ADAMTS2: variants seen among roughly 807,000 people sequenced by gnomAD.
ADAMTS2 encodes the protein A disintegrin and metalloproteinase with thrombospondin motifs 2.
In ADAMTS2, 50 loss-of-function variants were observed where a neutral mutation model predicts 123.0. The ratio of observed to expected loss-of-function variants is 0.41; its 90% CI spans 0.32 to 0.51. The LOEUF is 0.51. ADAMTS2 is among the 20% of genes least tolerant of loss of function. The pLI is 0.35. For synonymous variants in ADAMTS2, 678 were observed against 695.4 expected, an observed-to-expected ratio of 0.98 and a Z score of 0.39; for missense variants, 1,494 against 1,705.2, an observed-to-expected ratio of 0.88 and a Z score of 2.18.
chr5:179,256,788 G>C lies in ADAMTS2; in HGVS notation c.688+16123C>G, dbSNP rs1414221837. On this transcript the variant is annotated intron_variant, in intron 3 of 21. Transcript: ENST00000251582. This position sits in a 1 kb window ranked among gnomAD's most constrained non-coding sequence, Gnocchi z 4.1. ...AGGAACTGAAAATTGAGATTTTCAT[G>C]TGAAACCTCCTGATTTTTAAGTGTA... is the stretch of plus-strand genomic sequence containing the variant. Among the ~76,000 whole-genome samples the C allele has an allele frequency of 6.6e-6, 1 of 152,266 alleles. No individual in the cohort carries two copies. Among genetic ancestry groups the C allele is most frequent in the African/African-American group, 2.4e-5 (1 of 41,480 alleles).
intron 2 of ADAMTS2, among the ~76,000 whole-genome samples, chr5:179,283,329 T>A: frequency 6.7e-6 from 1 of 149,332 alleles, no homozygotes; most frequent in African/African-American, 2.5e-5. Flanking sequence ...AGACAAAGAG[T>A]AGAGGAAGAA....
Position 179,259,622 on chromosome 5 carries a change from C to T in ADAMTS2, c.688+13289G>A, listed in dbSNP as rs149165051. 5.1e-3 allele frequency among the ~76,000 whole-genome samples: 770 copies of T among 152,376 alleles called. 7 individuals carry two copies. The highest frequency in any genetic ancestry group is 0.018 in the African/African-American group (740 of 41,594). On this transcript the variant is annotated intron_variant, in intron 3 of 21. Coordinates refer to ENST00000251582, the MANE Select transcript of ADAMTS2 (RefSeq NM_014244.5). Reference sequence around the variant, plus strand: ...CGCATTGCTGCCCTCAGGCACCAAACAGGCCTGTGGCAGTCACAGGGGCAC... The same window carrying T: ...CGCATTGCTGCCCTCAGGCACCAAATAGGCCTGTGGCAGTCACAGGGGCAC...
chr5:179,196,231 CAT>C (rs1764429120), intron 4 of ADAMTS2, among the ~76,000 whole-genome samples: 1 of 152,018 alleles, frequency 6.6e-6, no homozygotes, highest in African/African-American at 2.4e-5. Context: ...TGAATCCTGG[CAT>C]AGAGAGAAAT....
At position 179,132,823 on chromosome 5, in the gene ADAMTS2, G is replaced by A. The variant is rs774087568; in HGVS notation, c.2163C>T (p.His721=). ...TGAACGTGCCCTTGACCACTTTGCA[G>A]TGGCTGTTGTCCCCTCCGCACACGC... ...KCGVCGGDNS[H]CKVVKGTFTR... The change falls in exon 14 of 22, where the codon CAC becomes CAT. Residue 721 remains histidine, a synonymous_variant. Coordinates refer to ENST00000251582, the MANE Select transcript of ADAMTS2 (RefSeq NM_014244.5). This position sits in a 1 kb window ranked among gnomAD's most constrained non-coding sequence, Gnocchi z 6.1. 3.1e-6 allele frequency: 5 copies of A among 1,614,148 alleles called. No individual in the cohort carries two copies. Among genetic ancestry groups the A allele is most frequent in the Non-Finnish European group, 4.2e-6 (5 of 1,180,026 alleles).
At chr5:179,224,288 G>C (rs1441255932) in intron 3 of ADAMTS2, among the ~76,000 whole-genome samples, 1 of 152,160 alleles carries the variant, frequency 6.6e-6, no homozygotes, top group Non-Finnish European at 1.5e-5. Context: ...GGCACACCCT[G>C]ACATCCGTAG....
rs995864130 is a variant in ADAMTS2 at position 179,256,060 on chromosome 5, G to A, written c.688+16851C>T. Among the ~76,000 whole-genome samples the A allele has an allele frequency of 3.3e-4, 50 of 152,290 alleles. No homozygotes were observed. Among genetic ancestry groups the A allele is most frequent in the African/African-American group, 1.1e-3 (46 of 41,552 alleles). Reference sequence around the variant, plus strand: ...TGTCCCCAGCCTCTCCCGCAGCTTGGCCTTGGTCCACCGTGGACAGCGTCT... The same window carrying A: ...TGTCCCCAGCCTCTCCCGCAGCTTGACCTTGGTCCACCGTGGACAGCGTCT... On this transcript the variant is annotated intron_variant, in intron 3 of 21. Coordinates refer to ENST00000251582, the MANE Select transcript of ADAMTS2 (RefSeq NM_014244.5). This position sits in a 1 kb window ranked among gnomAD's most constrained non-coding sequence, Gnocchi z 4.1.
rs1488486256 is a variant in ADAMTS2, at chr5:179,332,420, CTT to C, written c.534+11345_534+11346del. On this transcript the variant is annotated intron_variant, in intron 2 of 21. Coordinates refer to ENST00000251582, the MANE Select transcript of ADAMTS2 (RefSeq NM_014244.5). The surrounding 1 kb of genome is among the most constrained non-coding windows in gnomAD (Gnocchi z 4.2). The stretch of plus-strand genomic sequence containing the variant: ...TTCTCAACCCAACAATCCAGAAACT[CTT>C]ATATCAGGAACAAGGGGACTCAGAC... Among the ~76,000 whole-genome samples the C allele has an allele frequency of 1.3e-5, 2 of 152,310 alleles. No individual in the cohort carries two copies. The highest frequency in any genetic ancestry group is 4.8e-5 in the African/African-American group (2 of 41,558).
chr5:179,338,265 C>T (rs1321947462), intron 2 of ADAMTS2, among the ~76,000 whole-genome samples: 1 of 152,174 alleles, frequency 6.6e-6, no homozygotes, highest in Non-Finnish European at 1.5e-5. Context: ...CCAGCCCACA[C>T]AGAGAACCTG....
In ADAMTS2 at chr5:179,189,514, T is replaced by A. The variant is rs1270183493; in HGVS notation, c.892-8359A>T. On this transcript the variant is annotated intron_variant, in intron 4 of 21. Coordinates refer to ENST00000251582, the MANE Select transcript of ADAMTS2 (RefSeq NM_014244.5). This position sits in a 1 kb window ranked among gnomAD's most constrained non-coding sequence, Gnocchi z 4.2. ...AGGCGCCCGCCAGTGCGCCTGGTTT[T>A]TTTTTTTTTTTTTTTTTTTTTTTTA... Among the ~76,000 whole-genome samples, 2 of 134,930 alleles carry A rather than the reference T, an allele frequency of 1.5e-5. No homozygotes were observed. The highest frequency in any genetic ancestry group is 5.6e-5 in the African/African-American group (2 of 35,752). 88.5% of individuals were successfully genotyped at this position (134,930 alleles called of 152,430 possible). A position where few individuals can be genotyped will look rare whatever the true frequency, so the allele number is the denominator to read the frequency against.
At chr5:179,116,766 C>T (rs1762665710) in intron 21 of ADAMTS2, among the ~76,000 whole-genome samples, 1 of 152,190 alleles carries the variant, frequency 6.6e-6, no homozygotes, top group Non-Finnish European at 1.5e-5. Flanking sequence ...GCCCATGCAT[C>T]AGAGGGTGCC....
intron 5 of ADAMTS2, among the ~76,000 whole-genome samples, chr5:179,178,919 T>C (rs1763988298): frequency 6.6e-6 from 1 of 152,252 alleles, no homozygotes; most frequent in Non-Finnish European, 1.5e-5. Context: ...AGTAGTGCTC[T>C]TGTTTTTATT....
At position 179,307,635 on chromosome 5, in the gene ADAMTS2, C is replaced by T. The variant is rs2113569919; in HGVS notation, c.535-34571G>A. Among the ~76,000 whole-genome samples the T allele has an allele frequency of 6.6e-6, 1 of 152,328 alleles. No homozygotes were observed. Among genetic ancestry groups the T allele is most frequent in the African/African-American group, 2.4e-5 (1 of 41,572 alleles). ...CCTCCAGCGGCTTCCCACCACATGA[C>T]TGCCCCGGTCCCCGCTGATTTCTCC... is the stretch of plus-strand genomic sequence containing the variant. On this transcript the variant is annotated intron_variant, in intron 2 of 21. Transcript: ENST00000251582. The surrounding 1 kb of genome is among the most constrained non-coding windows in gnomAD (Gnocchi z 5.6).
At chr5:179,294,156 T>C (rs1756267928) in intron 2 of ADAMTS2, among the ~76,000 whole-genome samples, 1 of 152,042 alleles carries the variant, frequency 6.6e-6, no homozygotes, top group South Asian at 2.1e-4. Flanking sequence ...CTTGGGAGGC[T>C]GAGGTGGGAG....
chr5:179,190,252 C>T (rs1764275523), intron 4 of ADAMTS2, among the ~76,000 whole-genome samples: 1 of 152,216 alleles, frequency 6.6e-6, no homozygotes, highest in South Asian at 2.1e-4. Context: ...ATGGGTGATG[C>T]TTCTCAGGGC....
At chr5:179,145,310 C>T (rs1763232311) in intron 10 of ADAMTS2, among the ~76,000 whole-genome samples, 4 of 152,170 alleles carry the variant, frequency 2.6e-5, no homozygotes, top group African/African-American at 9.7e-5. Context: ...CTTTGGGAAA[C>T]TGGCAGTTCC....
rs1485391924 is a variant in ADAMTS2, at chr5:179,170,832, C to T, written c.975+10240G>A. On this transcript the variant is annotated intron_variant, in intron 5 of 21. Coordinates refer to ENST00000251582, the MANE Select transcript of ADAMTS2 (RefSeq NM_014244.5). The surrounding 1 kb of genome is among the most constrained non-coding windows in gnomAD (Gnocchi z 4.3). ...TCCCTGGGATTAAACAGCAGCTGCTCGGGAAGCCAGAGGCTCTGGGCTGGC... is the reference window on the plus strand; with the variant it reads ...TCCCTGGGATTAAACAGCAGCTGCTTGGGAAGCCAGAGGCTCTGGGCTGGC... Among the ~76,000 whole-genome samples, 7 of 152,144 alleles carry T rather than the reference C, an allele frequency of 4.6e-5. No individual in the cohort carries two copies. Among genetic ancestry groups the T allele is most frequent in the East Asian group, 1.9e-4 (1 of 5,176 alleles).
At chr5:179,217,916 C>CA (rs751187691) in intron 3 of ADAMTS2, among the ~76,000 whole-genome samples, 43 of 125,826 alleles carry the variant, frequency 3.4e-4, no homozygotes, top group Middle Eastern at 4.3e-3. Context: ...TGAGGGCAGA[C>CA]GGCACACTCA....
chr5:179,333,312 A>T (rs1757527624), intron 2 of ADAMTS2, among the ~76,000 whole-genome samples: 1 of 152,216 alleles, frequency 6.6e-6, no homozygotes, highest in Non-Finnish European at 1.5e-5. Flanking sequence ...ACAGGCCAGC[A>T]AGAGAAGAGC....
chr5:179,296,115 A>C (rs1756322477), intron 2 of ADAMTS2, among the ~76,000 whole-genome samples: 2 of 152,180 alleles, frequency 1.3e-5, no homozygotes, highest in African/African-American at 4.8e-5. Context: ...GTGAAGCAGG[A>C]GGATGGGGGA....
Sources: allele counts gnomAD v4.1 joint callset (sites outside exome capture counted in the v4.1 genomes callset), GRCh38; gene constraint gnomAD v4.1.1; non-coding constraint Gnocchi (gnomAD v3.1); transcripts MANE v1.5; gene names NCBI Gene and HGNC (gene_info 2026-07-23, HGNC 2026-07-21).